The following SNTG2 variants were observed in gnomAD, a reference collection of about 807,000 sequenced individuals.
SNTG2 encodes syntrophin gamma 2, also known as gamma-2-syntrophin.
Under a neutral mutation model 70.9 loss-of-function variants are expected in SNTG2, and 74 were observed. The observed-to-expected ratio is 1.04, with a 90% CI of 0.86 to 1.27. The LOEUF (loss-of-function observed/expected upper bound fraction) is 1.27. SNTG2 is among the 50% of genes most tolerant of loss of function. SNTG2 has a pLI of 0.00. For synonymous variants in SNTG2, 278 were observed against 273.8 expected, an observed-to-expected ratio of 1.02 and a Z score of -0.15; for missense variants, 717 against 690.7, an observed-to-expected ratio of 1.04 and a Z score of -0.43.
intron 1 of SNTG2, among the ~76,000 whole-genome samples, chr2:990,575 C>T (rs1661457260): frequency 6.6e-6 from 1 of 152,174 alleles, no homozygotes; most frequent in South Asian, 2.1e-4. Context: ...AAGACCCCAC[C>T]TCCTAACACC....
chr2:1,084,989 A>G (rs1265589973), intron 2 of SNTG2, among the ~76,000 whole-genome samples: 2 of 152,136 alleles, frequency 1.3e-5, no homozygotes, highest in Non-Finnish European at 2.9e-5. Flanking sequence ...TTTGGGGGAG[A>G]CACAGACATC....
chr2:956,174 C>A (rs1660143590), intron 1 of SNTG2, among the ~76,000 whole-genome samples: 1 of 125,392 alleles, frequency 8.0e-6, no homozygotes, highest in Non-Finnish European at 1.7e-5. Context: ...TGCACCTACC[C>A]CTGCCCTGCA....
intron 16 of SNTG2, among the ~76,000 whole-genome samples, chr2:1,323,961 T>C (rs887882237): frequency 1.3e-5 from 2 of 151,952 alleles, no homozygotes; most frequent in Non-Finnish European, 2.9e-5. Context: ...GACAGTCACA[T>C]GGCTAAGACC....
intron 12 of SNTG2, among the ~76,000 whole-genome samples, chr2:1,249,556 G>T (rs34539029): frequency 0.21 from 31,457 of 152,136 alleles, 4,396 homozygotes; most frequent in African/African-American, 0.39. Context: ...ACCTAAGTAT[G>T]TGGCCTGTCA....
rs756474389 is a variant in SNTG2 at position 1,002,884 on chromosome 2, T to TTATA, written c.72+51830_72+51833dup. On this transcript the variant is annotated intron_variant, in intron 1 of 16. Transcript: ENST00000308624. ...AATGAATGACTAGGTAAAGAAAATG[T>TTATA]TATATATATATATATATTTATATAG... Among the ~76,000 whole-genome samples, 379 of 149,020 alleles carry TTATA rather than the reference T, an allele frequency of 2.5e-3. 1 individual carries two copies. Among genetic ancestry groups the TTATA allele is most frequent in the African/African-American group, 8.8e-3 (358 of 40,846 alleles).
chr2:1,116,198 G>T (rs1362165650), intron 4 of SNTG2, among the ~76,000 whole-genome samples: 1 of 148,876 alleles, frequency 6.7e-6, no homozygotes, highest in Non-Finnish European at 1.5e-5. Flanking sequence ...CGGGTTTTAG[G>T]GCTTTCTTTC....
chr2:967,787 G>C (rs1660618140), intron 1 of SNTG2, among the ~76,000 whole-genome samples: 1 of 152,166 alleles, frequency 6.6e-6, no homozygotes. Context: ...CCAGCACGTT[G>C]GGAGGCCAAG....
intron 1 of SNTG2, among the ~76,000 whole-genome samples, chr2:1,051,646 C>T (rs948836020): frequency 4.6e-5 from 7 of 152,188 alleles, no homozygotes; most frequent in Non-Finnish European, 8.8e-5. Flanking sequence ...AGCATTTTTC[C>T]TCCTGGATCA....
In SNTG2 at chr2:1,162,059, G is replaced by GCC. The variant is rs551518745; in HGVS notation, c.412-3489_412-3488insCC. On this transcript the variant is annotated intron_variant, in intron 6 of 16. Transcript: ENST00000308624. ...ACTGCACTCCAGCCTGGGCGACAGT[G>GCC]AGACTCCGTCTCAAAAAAAAAAAAA... Among the ~76,000 whole-genome samples the GCC allele has an allele frequency of 2.3e-3, 261 of 113,818 alleles. 1 individual carries two copies. The highest frequency in any genetic ancestry group is 6.0e-3 in the Admixed American group (51 of 8,486). 74.7% of individuals were successfully genotyped at this position (113,818 alleles called of 152,430 possible).
At chr2:1,066,986 T>A (rs568243031) in intron 1 of SNTG2, among the ~76,000 whole-genome samples, 1 of 152,310 alleles carries the variant, frequency 6.6e-6, no homozygotes, top group African/African-American at 2.4e-5. Context: ...TGTTAGCTGT[T>A]CCTGGGCCAA....
chr2:1,044,708 G>C (rs1371205512), intron 1 of SNTG2, among the ~76,000 whole-genome samples: 1 of 152,130 alleles, frequency 6.6e-6, no homozygotes, highest in African/African-American at 2.4e-5. Context: ...ATTTGCATAT[G>C]TTGAACCAAC....
intron 2 of SNTG2, among the ~76,000 whole-genome samples, chr2:1,086,427 A>G (rs1364736983): frequency 6.6e-6 from 1 of 152,174 alleles, no homozygotes; most frequent in African/African-American, 2.4e-5. Context: ...CAGAACATTC[A>G]CCTGGAAGAG....
At chr2:1,262,736 A>G (rs1678498974) in intron 13 of SNTG2, 1 of 150,350 alleles carries the variant, frequency 6.7e-6, no homozygotes, top group African/African-American at 2.4e-5. Context: ...AGACGAGGCA[A>G]CCGGAAGGCT....
At chr2:1,203,660 A>AAC (rs1351738893) in intron 8 of SNTG2, among the ~76,000 whole-genome samples, 1 of 73,486 alleles carries the variant, frequency 1.4e-5, no homozygotes, top group Non-Finnish European at 2.9e-5. Flanking sequence ...TCTCAAAAAC[A>AAC]AACAAAAAAA....
chr2:1,140,398 G>A (rs1668666608), intron 6 of SNTG2, among the ~76,000 whole-genome samples: 1 of 152,160 alleles, frequency 6.6e-6, no homozygotes, highest in Admixed American at 6.5e-5. Flanking sequence ...TCTGAGACAT[G>A]TCTCTCTTCA....
intron 16 of SNTG2, among the ~76,000 whole-genome samples, chr2:1,366,601 G>A (rs1266472454): frequency 6.6e-6 from 1 of 152,154 alleles, no homozygotes; most frequent in Non-Finnish European, 1.5e-5. Context: ...AACTCTCCCT[G>A]GGGCACCCTT....
intron 2 of SNTG2, among the ~76,000 whole-genome samples, chr2:1,083,872 A>G (rs1460466469): frequency 6.6e-6 from 1 of 152,130 alleles, no homozygotes; most frequent in Admixed American, 6.5e-5. Flanking sequence ...TACATTTTCC[A>G]TGTAAAGCTT....
intron 14 of SNTG2, among the ~76,000 whole-genome samples, chr2:1,302,605 A>T (rs549927266): frequency 3.9e-4 from 59 of 152,150 alleles, no homozygotes; most frequent in Admixed American, 5.2e-4. Context: ...GAAATCAAAG[A>T]CAGGAAACAA....
chr2:1,259,296 C>A, intron 12 of SNTG2, 74 bp from the exon 13 acceptor site: 1 of 1,330,906 alleles, frequency 7.5e-7, no homozygotes, highest in Non-Finnish European at 1.1e-6. Context: ...TGCAGTCACA[C>A]TATTGTAAAT....
Sources: gnomAD v4.1 joint callset for allele counts (sites outside exome capture counted in the v4.1 genomes callset) on GRCh38, gnomAD v4.1.1 for gene constraint, MANE v1.5 for transcripts, NCBI Gene and HGNC (gene_info 2026-07-23, HGNC 2026-07-21) for gene names.